The following SLC24A3 variants were observed in gnomAD, a reference collection of about 807,000 sequenced individuals.
The protein encoded by SLC24A3 is sodium/potassium/calcium exchanger 3.
SLC24A3 carries 28 observed loss-of-function variants against 75.8 expected under a neutral mutation model. The observed-to-expected ratio is 0.37, with a 90% CI of 0.27 to 0.51. The LOEUF (loss-of-function observed/expected upper bound fraction) is 0.51, where lower values mean the gene tolerates loss of function less well. Among genes scored for constraint, SLC24A3 ranks in the 20% least tolerant of loss-of-function variants. SLC24A3 has a pLI of 0.94. For synonymous variants in SLC24A3, 372 were observed against 334.1 expected (o/e 1.11, Z -1.24); for missense variants, 663 against 847.8 (o/e 0.78, Z 2.71).
At chr20:19,324,303 T>G (rs1219144243) in intron 2 of SLC24A3, among the ~76,000 whole-genome samples, 1 of 152,240 alleles carries the variant, frequency 6.6e-6, no homozygotes, top group African/African-American at 2.4e-5. Context: ...CTGCCTTCCT[T>G]GGTGCTAAAA....
chr20:19,575,250 C>A, intron 3 of SLC24A3, among the ~76,000 whole-genome samples: 1 of 84,156 alleles, frequency 1.2e-5, no homozygotes, highest in South Asian at 5.7e-4. Context: ...GAGTGAGACA[C>A]TCTCAAAAAA....
intron 6 of SLC24A3, among the ~76,000 whole-genome samples, chr20:19,647,395 C>T (rs1056724383): frequency 6.6e-6 from 1 of 152,202 alleles, no homozygotes; most frequent in Non-Finnish European, 1.5e-5. Context: ...AAATGTCCTA[C>T]ATTTATTCAA....
At chr20:19,676,847 G>A (rs1327731377) in intron 9 of SLC24A3, among the ~76,000 whole-genome samples, 1 of 152,178 alleles carries the variant, frequency 6.6e-6, no homozygotes, top group Non-Finnish European at 1.5e-5. Context: ...TGTGCTGGTG[G>A]TTAAGAACCA....
intron 15 of SLC24A3, among the ~76,000 whole-genome samples, chr20:19,712,529 T>C (rs1998117): frequency 0.69 from 104,146 of 151,770 alleles, 36,174 homozygotes; most frequent in East Asian, 0.94. Flanking sequence ...ACCGAAAGTC[T>C]CAAAGAGGGC....
chr20:19,416,594 A>C (rs1394933022), intron 2 of SLC24A3, among the ~76,000 whole-genome samples: 5 of 152,186 alleles, frequency 3.3e-5, no homozygotes, highest in Non-Finnish European at 7.3e-5. Flanking sequence ...CTGGTTCCCA[A>C]TCAGTGCACT....
intron 10 of SLC24A3, 94 bp from the exon 11 acceptor site, chr20:19,684,082 A>T: frequency 7.2e-7 from 1 of 1,387,228 alleles, no homozygotes; most frequent in Admixed American, 1.8e-5. Flanking sequence ...GAAAGAAGGG[A>T]GGAAGAGAAA....
At chr20:19,522,840 T>C (rs1018609145) in intron 3 of SLC24A3, among the ~76,000 whole-genome samples, 1 of 152,096 alleles carries the variant, frequency 6.6e-6, no homozygotes, top group African/African-American at 2.4e-5. Context: ...TGGGGTATAA[T>C]GTGATGTTGT....
intron 3 of SLC24A3, among the ~76,000 whole-genome samples, chr20:19,522,484 A>C (rs1424364837): frequency 1.3e-5 from 2 of 152,236 alleles, no homozygotes; most frequent in African/African-American, 4.8e-5. Flanking sequence ...GCTTTGGAAC[A>C]AGTCCCAGAA....
intron 2 of SLC24A3, among the ~76,000 whole-genome samples, chr20:19,327,512 A>G (rs2122287486): frequency 6.6e-6 from 1 of 152,348 alleles, no homozygotes; most frequent in Admixed American, 6.5e-5. Flanking sequence ...GAGACTTCAC[A>G]CATTACAACC....
chr20:19,407,148 T>C (rs1031670726), intron 2 of SLC24A3, among the ~76,000 whole-genome samples: 9 of 152,180 alleles, frequency 5.9e-5, no homozygotes, highest in Non-Finnish European at 1.2e-4. Flanking sequence ...TCTTGTTGGA[T>C]GCATTAATCC....
intron 1 of SLC24A3, among the ~76,000 whole-genome samples, chr20:19,258,980 T>C (rs772659387): frequency 1.3e-5 from 2 of 152,214 alleles, no homozygotes; most frequent in Admixed American, 6.5e-5. Flanking sequence ...ATTTTAATAT[T>C]AGCACAGGGA....
At position 19,585,299 on chromosome 20, in the gene SLC24A3, G is replaced by A. The variant is rs2031279353; in HGVS notation, c.509-142G>A. On this transcript the variant is annotated intron_variant, in intron 5 of 16. Coordinates refer to ENST00000328041, the MANE Select transcript of SLC24A3 (RefSeq NM_020689.4). ...ACTCCTGTGCAGCTATCATCCCTCT[G>A]TAGATTAGAAAGCTCTCTCCACCCC... The A allele has an allele frequency of 4.9e-6, 4 of 823,890 alleles. No individual in the cohort carries two copies. The South Asian group carries it at 6.8e-5, about 14-fold the overall frequency. 51.0% of individuals were successfully genotyped at this position (823,890 alleles called of 1,614,324 possible).
chr20:19,267,338 A>G (rs1983197324), intron 1 of SLC24A3, among the ~76,000 whole-genome samples: 1 of 152,226 alleles, frequency 6.6e-6, no homozygotes, highest in African/African-American at 2.4e-5. Context: ...AAATGGAAGA[A>G]AAGCACTATG....
intron 6 of SLC24A3, among the ~76,000 whole-genome samples, chr20:19,621,781 G>T (rs2031807715): frequency 6.6e-6 from 1 of 152,188 alleles, no homozygotes; most frequent in South Asian, 2.1e-4. Flanking sequence ...GACGTATCCA[G>T]TCTTCTGCTC....
chr20:19,404,441 T>G (rs6046060), intron 2 of SLC24A3, among the ~76,000 whole-genome samples: 89,129 of 152,026 alleles, frequency 0.59, 26,772 homozygotes, highest in African/African-American at 0.71. Context: ...GGCAGTGAGA[T>G]CCGCAGTCAG....
chr20:19,397,485 G>A (rs543761578), intron 2 of SLC24A3, among the ~76,000 whole-genome samples: 73 of 152,242 alleles, frequency 4.8e-4, no homozygotes, highest in African/African-American at 1.7e-3. Flanking sequence ...AACTTTGAAG[G>A]AAAACAAAAT....
At chr20:19,607,223 C>T (rs865849035) in intron 6 of SLC24A3, among the ~76,000 whole-genome samples, 31 of 152,270 alleles carry the variant, frequency 2.0e-4, no homozygotes, top group Middle Eastern at 6.8e-3. Flanking sequence ...GCATCCTCTC[C>T]ACCTGCTGTA....
chr20:19,439,813 C>T (rs6136730), intron 2 of SLC24A3, among the ~76,000 whole-genome samples: 6,544 of 152,172 alleles, frequency 0.043, 464 homozygotes, highest in East Asian at 0.32. Context: ...GGCAATAACA[C>T]GGTCTCTCCG....
intron 7 of SLC24A3, among the ~76,000 whole-genome samples, chr20:19,663,408 ACCTCCTCCTCCTCCTCCT>A (rs1202385635): frequency 7.5e-5 from 1 of 13,336 alleles, no homozygotes; most frequent in Non-Finnish European, 1.9e-4. Context: ...CTCCTCCTCC[ACCTCCTCCTCCTCCTCCT>A]CCTCCTCCGC....
Sources: allele counts gnomAD v4.1 joint callset (sites outside exome capture counted in the v4.1 genomes callset), GRCh38; gene constraint gnomAD v4.1.1; transcripts MANE v1.5; gene names NCBI Gene and HGNC (gene_info 2026-07-23, HGNC 2026-07-21).